SCML2: variants seen among roughly 807,000 people sequenced by gnomAD.
SCML2 encodes the protein sex comb on midleg-like protein 2.
In SCML2, 6 loss-of-function variants were observed where a neutral mutation model predicts 48.4. That is an observed-to-expected ratio of 0.12 (90% CI 0.07 to 0.24). The LOEUF (loss-of-function observed/expected upper bound fraction) is 0.24, where lower values mean the gene tolerates loss of function less well. SCML2 is among the 10% of genes least tolerant of loss of function. The pLI is 1.00. For missense variants in SCML2, 377 were observed against 528.2 expected (o/e 0.71, Z 2.81); for synonymous variants, 181 against 189.5 (o/e 0.95, Z 0.37).
At position 18,240,722 on chromosome X, in the gene SCML2, G is replaced by C. The variant is rs1341038096; in HGVS notation, c.*529C>G. On this transcript the variant is annotated 3_prime_UTR_variant, in exon 15 of 15. Transcript: ENST00000251900. ...TATTCCCTTTCTAGATATACTGATA[G>C]AACATGAACAGAACACCACAGAGTA... The C allele has an allele frequency of 1.8e-5, 2 of 112,164 alleles. No homozygotes were observed. The highest frequency in any genetic ancestry group is 3.8e-5 in the Non-Finnish European group (2 of 53,172). 9.2% of individuals were successfully genotyped at this position (112,164 alleles called of 1,213,427 possible).
intron 2 of SCML2, among the ~76,000 whole-genome samples, chrX:18,332,507 G>A (rs1196495120): frequency 8.9e-6 from 1 of 112,135 alleles, no homozygotes; most frequent in Admixed American, 9.5e-5. Context: ...GGATATATGA[G>A]CTGCTTTCTG....
intron 11 of SCML2, among the ~76,000 whole-genome samples, chrX:18,256,040 C>T (rs1262659499): frequency 8.9e-6 from 1 of 112,195 alleles, no homozygotes; most frequent in African/African-American, 3.2e-5. Flanking sequence ...CTTTAGGGAT[C>T]AGAAGCAAGA....
At chrX:18,266,781 C>T (rs1927271476) in intron 7 of SCML2, among the ~76,000 whole-genome samples, 1 of 111,740 alleles carries the variant, frequency 8.9e-6, no homozygotes, top group South Asian at 3.8e-4. Flanking sequence ...TAGATAATAC[C>T]ACATCTTTCC....
intron 2 of SCML2, among the ~76,000 whole-genome samples, chrX:18,331,565 T>C (rs1055890978): frequency 1.8e-5 from 2 of 111,578 alleles, no homozygotes; most frequent in Admixed American, 1.9e-4. Context: ...AACTTAAGCA[T>C]AATATTTCTA....
At chrX:18,326,937 T>C (rs1473459218) in intron 3 of SCML2, among the ~76,000 whole-genome samples, 1 of 111,846 alleles carries the variant, frequency 8.9e-6, no homozygotes. Flanking sequence ...AATTTATTAA[T>C]ACAGAATAGC....
chrX:18,309,754 C>T (rs996751052), intron 6 of SCML2, among the ~76,000 whole-genome samples: 2 of 111,140 alleles, frequency 1.8e-5, no homozygotes, highest in Non-Finnish European at 3.8e-5. Flanking sequence ...CAACAAACAC[C>T]AGGGCCTACT....
intron 7 of SCML2, among the ~76,000 whole-genome samples, chrX:18,281,767 A>G (rs778092818): frequency 9.1e-6 from 1 of 110,212 alleles, no homozygotes; most frequent in South Asian, 3.8e-4. Flanking sequence ...AAAGAAAAAA[A>G]AAAACCAACC....
intron 3 of SCML2, among the ~76,000 whole-genome samples, chrX:18,328,507 C>T (rs1261988156): frequency 9.0e-6 from 1 of 110,835 alleles, no homozygotes; most frequent in African/African-American, 3.3e-5. Context: ...CCCGTCTCTA[C>T]AAAAAATTGT....
At chrX:18,325,100 ACTTCC>A in intron 3 of SCML2, 123 bp from the exon 4 acceptor site, 2 of 402,947 alleles carry the variant, frequency 5.0e-6, no homozygotes, top group Non-Finnish European at 8.6e-6. Flanking sequence ...AAAAAAAAAA[ACTTCC>A]AAAAGAGTAG....
chrX:18,351,238 A>G (rs977031855), intron 1 of SCML2, among the ~76,000 whole-genome samples: 12 of 109,278 alleles, frequency 1.1e-4, no homozygotes, highest in Non-Finnish European at 2.1e-4. Context: ...CCACTGCACT[A>G]CAGCCTGGGC....
intron 7 of SCML2, among the ~76,000 whole-genome samples, chrX:18,302,146 T>C (rs185663782): frequency 3.1e-3 from 340 of 109,246 alleles, no homozygotes; most frequent in African/African-American, 0.011. Context: ...TTCTTTTTCT[T>C]TTTTTTTTCT....
intron 14 of SCML2, among the ~76,000 whole-genome samples, chrX:18,241,834 G>T (rs1250092976): frequency 8.9e-6 from 1 of 111,958 alleles, no homozygotes; most frequent in Non-Finnish European, 1.9e-5. Flanking sequence ...AAGCTGGTTA[G>T]ATGCTAAAAC....
At chrX:18,353,134 GAA>G (rs149576101) in intron 1 of SCML2, among the ~76,000 whole-genome samples, 69 of 55,939 alleles carry the variant, frequency 1.2e-3, no homozygotes, top group African/African-American at 2.2e-3. Flanking sequence ...CCATTAAATA[GAA>G]AAAAAAAAAA....
In SCML2 at chrX:18,264,431, TTGTGTGTGTGTGTGTG is replaced by T. The variant is rs149069692; in HGVS notation, c.948+1138_948+1153del. On this transcript the variant is annotated intron_variant, in intron 8 of 14. Coordinates refer to ENST00000251900, the MANE Select transcript of SCML2 (RefSeq NM_006089.3). ...AAGATGGTCTTTTTAATCAGTACGA[TTGTGTGTGTGTGTGTG>T]TGTGTGTGTGTGTGTGTGTGTGTGT... Among the ~76,000 whole-genome samples the T allele has an allele frequency of 3.3e-3, 281 of 83,899 alleles. 4 individuals are homozygous for T. Among genetic ancestry groups the T allele is most frequent in the Middle Eastern group, 0.013 (2 of 159 alleles). The allele number at this position is 83,899 out of a possible 115,157, so 72.9% of individuals were successfully genotyped here.
Position 18,256,924 on chromosome X carries a change from G to T in SCML2, c.1380C>A (p.Asn460Lys). Residue 460 changes from asparagine to lysine, a missense_variant, in exon 11 of 15, where the codon AAC becomes AAA. Coordinates refer to ENST00000251900, the MANE Select transcript of SCML2 (RefSeq NM_006089.3). The part of the protein sequence containing the change: ...ENFCHSLQCD[N>K]LLSSQPFSSS... ...AACTAAAAGGCTGGCTACTCAAAAG[G>T]TTATCACACTGCAGACTGTGGCAGA... 2 of 1,207,857 alleles carry T rather than the reference G, an allele frequency of 1.7e-6. No homozygotes were observed. Among genetic ancestry groups the T allele is most frequent in the Non-Finnish European group, 2.2e-6 (2 of 893,041 alleles).
chrX:18,309,523 C>A (rs1928878423), intron 6 of SCML2, among the ~76,000 whole-genome samples: 2 of 112,002 alleles, frequency 1.8e-5, no homozygotes, highest in African/African-American at 6.5e-5. Context: ...GATGTGGAAT[C>A]AACCTTGATG....
At chrX:18,312,497 AT>A (rs1928984132) in intron 6 of SCML2, among the ~76,000 whole-genome samples, 1 of 110,468 alleles carries the variant, frequency 9.1e-6, no homozygotes, top group Admixed American at 9.6e-5. Flanking sequence ...GTTATACTAT[AT>A]TTTTTTCACT....
intron 8 of SCML2, among the ~76,000 whole-genome samples, chrX:18,264,897 C>T (rs1927206257): frequency 9.0e-6 from 1 of 111,530 alleles, no homozygotes; most frequent in Non-Finnish European, 1.9e-5. Flanking sequence ...CTCTCTGGTC[C>T]TTTCCCTTCC....
chrX:18,245,112 T>C (rs1179899239), intron 13 of SCML2, among the ~76,000 whole-genome samples: 1 of 112,008 alleles, frequency 8.9e-6, no homozygotes, highest in Non-Finnish European at 1.9e-5. Context: ...TTTCAAGGAA[T>C]TGTTGTAACA....
Sources: allele counts gnomAD v4.1 joint callset (sites outside exome capture counted in the v4.1 genomes callset), GRCh38; gene constraint gnomAD v4.1.1; transcripts MANE v1.5; gene names NCBI Gene and HGNC (gene_info 2026-07-23, HGNC 2026-07-21).